AGBL4: variants seen among roughly 807,000 people sequenced by gnomAD.
The protein encoded by AGBL4 is cytosolic carboxypeptidase 6.
AGBL4 carries 58 observed loss-of-function variants against 66.4 expected under a neutral mutation model. The ratio of observed to expected loss-of-function variants is 0.87; its 90% CI spans 0.71 to 1.09. The LOEUF (loss-of-function observed/expected upper bound fraction) is 1.09, where lower values mean the gene tolerates loss of function less well. Among genes scored for constraint, AGBL4 ranks in the 50% least tolerant of loss-of-function variants. AGBL4 has a pLI of 0.00. For synonymous variants in AGBL4, 234 were observed against 222.9 expected (o/e 1.05, Z -0.44); for missense variants, 579 against 631.0 (o/e 0.92, Z 0.88).
intron 4 of AGBL4, among the ~76,000 whole-genome samples, chr1:49,222,252 C>A (rs1649554996): frequency 6.7e-6 from 1 of 150,366 alleles, no homozygotes. Flanking sequence ...AAATGTAAAC[C>A]ATAAAATTGT....
At chr1:49,000,682 C>G (rs754930525) in intron 5 of AGBL4, among the ~76,000 whole-genome samples, 1 of 152,178 alleles carries the variant, frequency 6.6e-6, no homozygotes, top group Non-Finnish European at 1.5e-5. Flanking sequence ...GCTGTTCCCA[C>G]TGTAGAAGAC....
At chr1:49,147,601 A>C (rs1042883525) in intron 4 of AGBL4, among the ~76,000 whole-genome samples, 2 of 152,298 alleles carry the variant, frequency 1.3e-5, no homozygotes, top group Admixed American at 1.3e-4. Flanking sequence ...TGCCACCTCC[A>C]GGTTTCCAGT....
chr1:49,812,362 C>T (rs1201942480), intron 2 of AGBL4, among the ~76,000 whole-genome samples: 1 of 152,160 alleles, frequency 6.6e-6, no homozygotes, highest in Non-Finnish European at 1.5e-5. Flanking sequence ...CCAACACCTA[C>T]ATTCTAGGGC....
chr1:48,710,713 C>T (rs1484467537), intron 6 of AGBL4, among the ~76,000 whole-genome samples: 2 of 152,150 alleles, frequency 1.3e-5, no homozygotes, highest in South Asian at 2.1e-4. Context: ...AAACCAGGAG[C>T]CTTCCTGTTC....
chr1:49,661,457 C>T (rs1188344656), intron 3 of AGBL4, among the ~76,000 whole-genome samples: 1 of 152,028 alleles, frequency 6.6e-6, no homozygotes, highest in African/African-American at 2.4e-5. Context: ...CAAGCAAGAT[C>T]TGGTTATTAA....
chr1:49,392,781 T>C (rs1644878844), intron 3 of AGBL4, among the ~76,000 whole-genome samples: 1 of 152,096 alleles, frequency 6.6e-6, no homozygotes, highest in Non-Finnish European at 1.5e-5. Context: ...TTTACCAGCA[T>C]GTTAATACTG....
At chr1:49,326,165 T>C (rs903770381) in intron 3 of AGBL4, among the ~76,000 whole-genome samples, 1 of 152,218 alleles carries the variant, frequency 6.6e-6, no homozygotes, top group Admixed American at 6.5e-5. Context: ...TAGTCTTTCT[T>C]GTGGTCCAGG....
At position 49,768,855 on chromosome 1, in the gene AGBL4, C is replaced by CT. The variant is rs775413604; in HGVS notation, c.158-71419dup. 2.7e-3 allele frequency among the ~76,000 whole-genome samples: 391 copies of CT among 145,638 alleles called. 2 individuals are homozygous for CT. Among genetic ancestry groups the CT allele is most frequent in the East Asian group, 0.013 (65 of 5,014 alleles). ...TAAAATAAATATACAAAAATCAGGA[C>CT]TTTTTTTTTTTTGAGATGGAGTCTC... On this transcript the variant is annotated intron_variant, in intron 2 of 13. Coordinates refer to ENST00000371839, the MANE Select transcript of AGBL4 (RefSeq NM_032785.4).
chr1:49,915,437 A>G lies in AGBL4; in HGVS notation c.35-63919T>C, dbSNP rs141463599. Among the ~76,000 whole-genome samples the G allele has an allele frequency of 1.1e-4, 16 of 152,278 alleles. No homozygotes were observed. The East Asian group carries it at 3.1e-3, about 29-fold the overall frequency. ...AACAAACGGCACACCAAGAGATTAT[A>G]TCCCGCGCCTGGCTTGGAGGGTCCC... On this transcript the variant is annotated intron_variant, in intron 1 of 13. Transcript: ENST00000371839.
chr1:48,999,218 AG>A (rs1661224180), intron 5 of AGBL4, among the ~76,000 whole-genome samples: 1 of 152,218 alleles, frequency 6.6e-6, no homozygotes, highest in Non-Finnish European at 1.5e-5. Flanking sequence ...AGACTGCAGA[AG>A]AAAACAAATC....
At position 48,541,541 on chromosome 1, in the gene AGBL4, G is replaced by A. The variant is rs146241702; in HGVS notation, c.1268-1803C>T. 3.2e-3 allele frequency among the ~76,000 whole-genome samples: 491 copies of A among 152,354 alleles called. 3 individuals carry two copies. Among genetic ancestry groups the A allele is most frequent in the African/African-American group, 0.011 (457 of 41,594 alleles). ...AATCTCAGCACTTTGGGAGGCTGAA[G>A]TGGGTGGATCACCTGAGGTAAGGAG... is the stretch of plus-strand genomic sequence containing the variant. On this transcript the variant is annotated intron_variant, in intron 11 of 13. Transcript: ENST00000371839.
chr1:48,656,805 C>T (rs1039353273), intron 7 of AGBL4, among the ~76,000 whole-genome samples: 2 of 152,014 alleles, frequency 1.3e-5, no homozygotes, highest in African/African-American at 4.8e-5. Context: ...GAACCATAAA[C>T]CCGGGATTCA....
intron 3 of AGBL4, among the ~76,000 whole-genome samples, chr1:49,360,954 A>G (rs1169667682): frequency 6.6e-6 from 1 of 151,798 alleles, no homozygotes; most frequent in Admixed American, 6.6e-5. Context: ...CTGCCACCAC[A>G]CCTGGCTAAT....
At chr1:49,641,933 C>T (rs961539778) in intron 3 of AGBL4, among the ~76,000 whole-genome samples, 17 of 151,896 alleles carry the variant, frequency 1.1e-4, no homozygotes, top group Non-Finnish European at 2.5e-4. Flanking sequence ...CATGTTGAAC[C>T]CAAAACTCTT....
At chr1:49,842,080 C>T (rs550828140) in intron 2 of AGBL4, 2 of 349,232 alleles carry the variant, frequency 5.7e-6, no homozygotes, top group South Asian at 5.9e-5. Flanking sequence ...TGCCCTCTAC[C>T]TGCATGCCCG....
At chr1:48,677,590 C>T (rs1373889829) in intron 6 of AGBL4, among the ~76,000 whole-genome samples, 1 of 152,162 alleles carries the variant, frequency 6.6e-6, no homozygotes, top group Non-Finnish European at 1.5e-5. Context: ...GTCCTGCAGG[C>T]AGGTTAAAGA....
At chr1:48,787,415 G>A (rs1310966494) in intron 6 of AGBL4, among the ~76,000 whole-genome samples, 1 of 151,914 alleles carries the variant, frequency 6.6e-6, no homozygotes, top group Non-Finnish European at 1.5e-5. Flanking sequence ...GTGGTGGGTG[G>A]GAATGTACTA....
chr1:49,678,031 A>G (rs1233692759), intron 3 of AGBL4, among the ~76,000 whole-genome samples: 1 of 152,176 alleles, frequency 6.6e-6, no homozygotes, highest in Non-Finnish European at 1.5e-5. Context: ...GCTGGTGCTA[A>G]TTCTTCTTTA....
At chr1:49,606,966 C>G (rs1329021150) in intron 3 of AGBL4, among the ~76,000 whole-genome samples, 1 of 152,084 alleles carries the variant, frequency 6.6e-6, no homozygotes, top group East Asian at 1.9e-4. Flanking sequence ...TGTCTCTTAT[C>G]TCTGTTTCCC....
Sources: gnomAD v4.1 joint callset for allele counts (sites outside exome capture counted in the v4.1 genomes callset) on GRCh38, gnomAD v4.1.1 for gene constraint, MANE v1.5 for transcripts, NCBI Gene and HGNC (gene_info 2026-07-23, HGNC 2026-07-21) for gene names.